The following PTPRO variants were observed in gnomAD, a reference collection of about 807,000 sequenced individuals.
The protein encoded by PTPRO is receptor-type tyrosine-protein phosphatase O.
In PTPRO, 62 loss-of-function variants were observed where a neutral mutation model predicts 145.2. The ratio of observed to expected loss-of-function variants is 0.43; its 90% CI spans 0.35 to 0.53. The LOEUF is 0.53. Among genes scored for constraint, PTPRO ranks in the 20% least tolerant of loss-of-function variants. The pLI, the probability that PTPRO is intolerant of heterozygous loss-of-function variation, is 0.01. For synonymous variants in PTPRO, 565 were observed against 514.7 expected (o/e 1.10, Z -1.32); for missense variants, 1,345 against 1,482.7 (o/e 0.91, Z 1.53).
chr12:15,465,197 C>T (rs1231607406), intron 1 of PTPRO, among the ~76,000 whole-genome samples: 1 of 152,186 alleles, frequency 6.6e-6, no homozygotes, highest in East Asian at 1.9e-4. Context: ...TTTTGAGCTT[C>T]ATTTATAAAA....
chr12:15,445,452 T>C (rs942118743), intron 1 of PTPRO, among the ~76,000 whole-genome samples: 1 of 152,138 alleles, frequency 6.6e-6, no homozygotes, highest in African/African-American at 2.4e-5. Flanking sequence ...TGAAACAATG[T>C]AAGTGCACAG....
Position 15,501,755 on chromosome 12 carries a change from A to T in PTPRO, c.797A>T (p.His266Leu). ...QDTIGKEKLF[H>L]FTEETPEIPS... ...ACAATAGGAAAAGAAAAACTCTTCC[A>T]TTTTACAGAAGAAACCCCTGAAATT... Residue 266 changes from histidine to leucine, a missense_variant, in exon 5 of 27, where the codon CAT becomes CTT. Transcript: ENST00000281171. The T allele has an allele frequency of 3.7e-6, 6 of 1,614,054 alleles. No homozygotes were observed. The highest frequency in any genetic ancestry group is 1.6e-4 in the Middle Eastern group (1 of 6,062).
chr12:15,499,443 T>C lies in PTPRO; in HGVS notation c.510T>C (p.Asp170=), dbSNP rs1456377057. Residue 170 remains aspartate, a splice_region_variant and synonymous_variant, in exon 4 of 27, where the codon GAT becomes GAC. Coordinates refer to ENST00000281171, the MANE Select transcript of PTPRO (RefSeq NM_030667.3). ...GKDFRTMLYK[D]FFKGKTVFNH... ...ATGTAATTGATTTTCTCTTCACAGATTTCTTTAAGGGAAAAACAGTATTTA... is the reference window on the plus strand; with the variant it reads ...ATGTAATTGATTTTCTCTTCACAGACTTCTTTAAGGGAAAAACAGTATTTA... 2 of 1,612,632 alleles carry C rather than the reference T, an allele frequency of 1.2e-6. No homozygotes were observed. Among genetic ancestry groups the C allele is most frequent in the Admixed American group, 1.7e-5 (1 of 60,016 alleles).
intron 1 of PTPRO, among the ~76,000 whole-genome samples, chr12:15,447,906 G>A (rs940112314): frequency 6.6e-6 from 1 of 152,110 alleles, no homozygotes; most frequent in African/African-American, 2.4e-5. Flanking sequence ...TGGATTTCAT[G>A]TCAGTCTTCT....
intron 1 of PTPRO, among the ~76,000 whole-genome samples, chr12:15,408,350 G>A (rs1019007069): frequency 6.6e-6 from 1 of 152,098 alleles, no homozygotes; most frequent in Non-Finnish European, 1.5e-5. Context: ...TGGCCATAGT[G>A]TTACTTTACC....
intron 16 of PTPRO, among the ~76,000 whole-genome samples, chr12:15,558,535 A>G (rs1230304860): frequency 1.3e-5 from 2 of 152,248 alleles, no homozygotes; most frequent in African/African-American, 2.4e-5. Flanking sequence ...TGCCCAACAA[A>G]AGTACTAATT....
chr12:15,501,281 C>T (rs200291779), intron 4 of PTPRO, among the ~76,000 whole-genome samples: 1 of 14,272 alleles, frequency 7.0e-5, no homozygotes, highest in African/African-American at 1.4e-4. Context: ...AACAGAGATA[C>T]ATTTTTTTGT....
intron 15 of PTPRO, among the ~76,000 whole-genome samples, chr12:15,555,689 T>C (rs1045206052): frequency 2.0e-5 from 3 of 152,208 alleles, no homozygotes; most frequent in African/African-American, 7.2e-5. Context: ...GAGGTGGTTC[T>C]GATTCTTTCA....
At chr12:15,401,312 G>C (rs66716825) in intron 1 of PTPRO, among the ~76,000 whole-genome samples, 43,850 of 152,064 alleles carry the variant, frequency 0.29, 7,047 homozygotes, top group African/African-American at 0.43. Flanking sequence ...CTCCCCATAT[G>C]CAACTATAAG....
At chr12:15,579,956 A>C (rs1415061478) in intron 20 of PTPRO, 83 bp from the exon 21 acceptor site, 1 of 1,042,282 alleles carries the variant, frequency 9.6e-7, no homozygotes, top group East Asian at 2.4e-5. Context: ...TGACTGATTT[A>C]ACTTAATATT....
intron 1 of PTPRO, among the ~76,000 whole-genome samples, chr12:15,435,554 G>T (rs982030593): frequency 7.4e-5 from 11 of 148,496 alleles, no homozygotes; most frequent in African/African-American, 2.3e-4. Flanking sequence ...AATTAGCAAA[G>T]CACCTTTTTT....
intron 15 of PTPRO, among the ~76,000 whole-genome samples, chr12:15,555,494 G>T (rs888018419): frequency 2.0e-5 from 3 of 152,142 alleles, no homozygotes; most frequent in African/African-American, 7.2e-5. Context: ...GATGATAATT[G>T]CCCCTATATT....
rs35049669 is a variant in PTPRO, at chr12:15,491,130, C to A, written c.350-6115C>A. 2.9e-3 allele frequency among the ~76,000 whole-genome samples: 447 copies of A among 152,118 alleles called. 1 individual carries two copies. The highest frequency in any genetic ancestry group is 0.01 in the African/African-American group (427 of 41,498). ...GTCAGGTCTCAAATGATCATCTATG[C>A]ACCAAACAGCAGCTCTGGCCTCAGT... On this transcript the variant is annotated intron_variant, in intron 2 of 26. Coordinates refer to ENST00000281171, the MANE Select transcript of PTPRO (RefSeq NM_030667.3).
At chr12:15,529,041 A>G (rs1942903612) in intron 12 of PTPRO, among the ~76,000 whole-genome samples, 1 of 152,234 alleles carries the variant, frequency 6.6e-6, no homozygotes, top group Admixed American at 6.5e-5. Context: ...AAAAAGACAC[A>G]TGCGAAAAGA....
chr12:15,494,422 T>A (rs1347442357), intron 2 of PTPRO, among the ~76,000 whole-genome samples: 1 of 152,196 alleles, frequency 6.6e-6, no homozygotes, highest in African/African-American at 2.4e-5. Flanking sequence ...TAGCTCTAGT[T>A]CATACCACAC....
chr12:15,362,632 T>G (rs1359433997), intron 1 of PTPRO, among the ~76,000 whole-genome samples: 1 of 152,128 alleles, frequency 6.6e-6, no homozygotes, highest in African/African-American at 2.4e-5. Flanking sequence ...GTTTATGAAG[T>G]TATTGAGTTC....
chr12:15,419,635 A>G (rs1362841169), intron 1 of PTPRO, among the ~76,000 whole-genome samples: 1 of 151,666 alleles, frequency 6.6e-6, no homozygotes, highest in Non-Finnish European at 1.5e-5. Flanking sequence ...TAATTTATGC[A>G]CCGCATTTAC....
intron 1 of PTPRO, among the ~76,000 whole-genome samples, chr12:15,364,798 A>G (rs1938312148): frequency 6.6e-6 from 1 of 152,184 alleles, no homozygotes; most frequent in South Asian, 2.1e-4. Flanking sequence ...AGAGTAGTAC[A>G]TATTTATAAA....
chr12:15,538,599 C>A (rs1943115766), intron 12 of PTPRO, among the ~76,000 whole-genome samples: 1 of 152,180 alleles, frequency 6.6e-6, no homozygotes, highest in African/African-American at 2.4e-5. Flanking sequence ...ATGATTCTCT[C>A]CAATGTATTG....
Sources: gnomAD v4.1 joint callset for allele counts (sites outside exome capture counted in the v4.1 genomes callset) on GRCh38, gnomAD v4.1.1 for gene constraint, MANE v1.5 for transcripts, NCBI Gene and HGNC (gene_info 2026-07-23, HGNC 2026-07-21) for gene names.